The following NOMO1 variants were observed in gnomAD, a reference collection of about 807,000 sequenced individuals.
NOMO1 encodes NODAL modulator 1, also known as nodal modulator 3.
Under a neutral mutation model 133.8 loss-of-function variants are expected in NOMO1, and 40 were observed. That is an observed-to-expected ratio of 0.30 (90% CI 0.23 to 0.39). NOMO1 has a LOEUF of 0.39. Among genes scored for constraint, NOMO1 ranks in the 10% least tolerant of loss-of-function variants. The pLI is 1.00. For missense variants in NOMO1, 462 were observed against 1,419.9 expected (o/e 0.33, Z 10.84); for synonymous variants, 236 against 570.5 (o/e 0.41, Z 8.36).
chr16:14,874,659 G>A (rs559937212), intron 18 of NOMO1, among the ~76,000 whole-genome samples: 1 of 152,154 alleles, frequency 6.6e-6, no homozygotes, highest in South Asian at 2.1e-4. Context: ...AGTGTGGTCT[G>A]TTTTGTTGAT....
At position 14,875,043 on chromosome 16, in the gene NOMO1, A is replaced by G. The variant is rs747036989; in HGVS notation, c.2062A>G (p.Ile688Val). ...MDVTVTIKSSIDSEPALVLGP... is the reference protein window; with the variant it reads ...MDVTVTIKSSVDSEPALVLGP... ...GGGCCGTCTTTCTTCTAGGTCTTCC[A>G]TCGACAGTGAACCCGCCTTGGTCTT... Residue 688 changes from isoleucine (I) to valine (V), a missense_variant, in exon 19 of 31, where the codon ATC becomes GTC. Physicochemically the swap from Ile to Val is conservative, Grantham distance 29. Transcript: ENST00000287667. 6.2e-7 allele frequency: 1 copy of G among 1,613,832 alleles called. No individual in the cohort carries two copies. The highest frequency in any genetic ancestry group is 8.5e-7 in the Non-Finnish European group (1 of 1,179,854).
At chr16:14,867,775 G>A (rs886862861) in intron 15 of NOMO1, among the ~76,000 whole-genome samples, 3 of 148,200 alleles carry the variant, frequency 2.0e-5, no homozygotes, top group African/African-American at 7.4e-5. Context: ...ACAAAAACTC[G>A]ACAGGTCGAT....
intron 15 of NOMO1, among the ~76,000 whole-genome samples, chr16:14,867,946 T>C (rs1333629158): frequency 8.3e-6 from 1 of 120,180 alleles, no homozygotes; most frequent in East Asian, 2.2e-4. Flanking sequence ...CTCCTCCCAC[T>C]GTCCCCTCAC....
intron 6 of NOMO1, among the ~76,000 whole-genome samples, chr16:14,851,266 G>A (rs540546948): frequency 1.3e-5 from 2 of 151,990 alleles, no homozygotes; most frequent in South Asian, 2.1e-4. Context: ...ATCCTCCTGG[G>A]GTGTTAGTGA....
chr16:14,879,813 T>TA (rs1265311421), intron 23 of NOMO1, among the ~76,000 whole-genome samples: 3 of 150,642 alleles, frequency 2.0e-5, no homozygotes, highest in Non-Finnish European at 4.4e-5. Context: ...AGGCAGGTGA[T>TA]ACCATCAGCT....
At chr16:14,865,950 A>C (rs1211263627) in intron 14 of NOMO1, among the ~76,000 whole-genome samples, 3 of 124,426 alleles carry the variant, frequency 2.4e-5, no homozygotes, top group Non-Finnish European at 5.0e-5. Context: ...TGCAAAACTG[A>C]AAAGAGTTAC....
rs1963688955 is a variant in NOMO1 at position 14,846,808 on chromosome 16, G to A, written c.509+125G>A. 5.0e-6 allele frequency: 8 copies of A among 1,585,788 alleles called. No individual in the cohort carries two copies. The Admixed American group carries it at 8.7e-5, about 17-fold the overall frequency. On this transcript the variant is annotated intron_variant, in intron 5 of 30. Coordinates refer to ENST00000287667, the MANE Select transcript of NOMO1 (RefSeq NM_014287.4). ...AGATCCTGATTCAGCCTCTTTGGGT[G>A]AGTTCATGCCCGTCAGAGTGCTGAG...
chr16:14,857,802 G>A lies in NOMO1; in HGVS notation c.1220+147G>A, dbSNP rs1271748263. On this transcript the variant is annotated intron_variant, in intron 11 of 30. Transcript: ENST00000287667. ...TTTTTTTTTTTTTTTGAGAGACAGAGTCTTGCCCTGTTGCCCAGGCTGTAG... is the reference window on the plus strand; with the variant it reads ...TTTTTTTTTTTTTTTGAGAGACAGAATCTTGCCCTGTTGCCCAGGCTGTAG... The A allele has an allele frequency of 8.3e-6, 6 of 719,412 alleles. No individual in the cohort carries two copies. In the African/African-American group the frequency reaches 1.4e-4, roughly 17 times the overall value. The allele number at this position is 719,412 out of a possible 1,614,324, so 44.6% of individuals were successfully genotyped here.
chr16:14,860,803 G>A (rs540187896), intron 11 of NOMO1, among the ~76,000 whole-genome samples: 4 of 152,112 alleles, frequency 2.6e-5, no homozygotes, highest in East Asian at 3.9e-4. Flanking sequence ...TTAATTGGCC[G>A]ACGTAGTACA....
intron 11 of NOMO1, among the ~76,000 whole-genome samples, chr16:14,860,282 C>A (rs1411027099): frequency 6.6e-6 from 1 of 151,160 alleles, no homozygotes; most frequent in Non-Finnish European, 1.5e-5. Flanking sequence ...GCAGGAGAAT[C>A]GCTTGAACCC....
At chr16:14,875,522 T>G (rs1283024372) in intron 20 of NOMO1, 100 bp downstream of exon 20, 1 of 704,016 alleles carries the variant, frequency 1.4e-6, no homozygotes, top group Non-Finnish European at 2.4e-6. Context: ...GAAGCCATCT[T>G]TGTAAGCCAC....
chr16:14,856,758 A>G (rs1481551270), intron 9 of NOMO1, among the ~76,000 whole-genome samples: 1 of 151,934 alleles, frequency 6.6e-6, no homozygotes, highest in Non-Finnish European at 1.5e-5. Flanking sequence ...GTGGAAAGAC[A>G]GGAGGGGGCA....
intron 2 of NOMO1, among the ~76,000 whole-genome samples, chr16:14,840,585 T>TG (rs1963590958): frequency 6.9e-6 from 1 of 145,912 alleles, no homozygotes; most frequent in Admixed American, 6.9e-5. Flanking sequence ...AGGCTCCATC[T>TG]CAAAAAAAAA....
rs372153253 is a variant in NOMO1 at position 14,851,231 on chromosome 16, G to A, written c.583-1199G>A. Among the ~76,000 whole-genome samples the A allele has an allele frequency of 5.9e-4, 90 of 151,938 alleles. 3 individuals carry two copies. The East Asian group carries it at 7.5e-3, about 13-fold the overall frequency. ...AGATTGGGATTTTCAAGTAAAGCAT[G>A]TTGTTAGAAGTCAGGATAATGTTTA... On this transcript the variant is annotated intron_variant, in intron 6 of 30. Coordinates refer to ENST00000287667, the MANE Select transcript of NOMO1 (RefSeq NM_014287.4).
intron 24 of NOMO1, among the ~76,000 whole-genome samples, chr16:14,880,613 C>T (rs936827082): frequency 2.0e-4 from 30 of 151,930 alleles, no homozygotes; most frequent in African/African-American, 7.3e-4. Flanking sequence ...GACTCCTGAT[C>T]TCAGATGATC....
chr16:14,880,926 A>AT (rs1379793756), intron 24 of NOMO1, among the ~76,000 whole-genome samples: 2 of 150,910 alleles, frequency 1.3e-5, no homozygotes, highest in African/African-American at 4.9e-5. Context: ...GCTCACACCT[A>AT]TAATCCCAGC....
At chr16:14,856,521 C>T (rs1963838558) in intron 9 of NOMO1, among the ~76,000 whole-genome samples, 1 of 151,776 alleles carries the variant, frequency 6.6e-6, no homozygotes, top group Non-Finnish European at 1.5e-5. Flanking sequence ...AAGCGATTCT[C>T]CTGCCTCAGC....
chr16:14,853,305 C>T, intron 7 of NOMO1, 162 bp from the exon 8 acceptor site: 1 of 519,882 alleles, frequency 1.9e-6, no homozygotes, highest in Non-Finnish European at 3.2e-6. Context: ...ACTTGAATGT[C>T]AAGATTTTTG....
In NOMO1 at chr16:14,838,990, C is replaced by G. The variant is rs147496696; in HGVS notation, c.255+494C>G. On this transcript the variant is annotated intron_variant, in intron 2 of 30. Transcript: ENST00000287667. ...TGTGAAATAAATTTGTACCCTTTTC[C>G]CTCCAATTTTACCTCCCTCTGTAGT... is the stretch of plus-strand genomic sequence containing the variant. Among the ~76,000 whole-genome samples the G allele has an allele frequency of 0.011, 1,598 of 151,604 alleles. 100 individuals are homozygous for G. In the East Asian group the frequency reaches 0.17, roughly 16 times the overall value.
Sources: allele counts gnomAD v4.1 joint callset (sites outside exome capture counted in the v4.1 genomes callset), GRCh38; gene constraint gnomAD v4.1.1; transcripts MANE v1.5; gene names NCBI Gene and HGNC (gene_info 2026-07-23, HGNC 2026-07-21).